Variants in METTL6 observed in about 807,000 individuals in gnomAD.
METTL6 encodes methyltransferase 6, tRNA N3-cytidine, also known as tRNA N(3)-cytidine methyltransferase METTL6.
A neutral mutation model predicts 26.4 loss-of-function variants in METTL6; 22 were observed. The observed-to-expected ratio is 0.83, with a 90% CI of 0.59 to 1.19. METTL6 has a LOEUF of 1.19. Ranked by LOEUF, METTL6 falls within the 50% of genes most tolerant of loss-of-function variation. The pLI is 0.00. For synonymous variants in METTL6, 109 were observed against 116.2 expected, an observed-to-expected ratio of 0.94 and a Z score of 0.40; for missense variants, 304 against 324.8, an observed-to-expected ratio of 0.94 and a Z score of 0.49.
At chr3:15,409,482 C>T (rs1292161073), downstream of METTL6, among the ~76,000 whole-genome samples, 1 of 152,232 alleles carries the variant, frequency 6.6e-6, no homozygotes, top group African/African-American at 2.4e-5. Context: ...TATTCTGCAA[C>T]ACTAGCTACG....
chr3:15,387,082 G>A (rs1699220267), intron 6 of METTL6, among the ~76,000 whole-genome samples: 1 of 152,190 alleles, frequency 6.6e-6, no homozygotes, highest in Admixed American at 6.5e-5. Context: ...ACAAGCATGA[G>A]CCATGGTGCC....
intron 6 of METTL6, among the ~76,000 whole-genome samples, chr3:15,390,259 C>A (rs995460525): frequency 6.6e-6 from 1 of 151,918 alleles, no homozygotes; most frequent in Non-Finnish European, 1.5e-5. Context: ...GAAACCCCAT[C>A]TCTACTAAAA....
intron 3 of METTL6, among the ~76,000 whole-genome samples, chr3:15,423,765 C>T (rs2061659404): frequency 6.6e-6 from 1 of 151,964 alleles, no homozygotes; most frequent in South Asian, 2.1e-4. Context: ...TGCCTGTAGT[C>T]CCAGCTACTT....
chr3:15,402,719 G>C (rs1699681046), intron 6 of METTL6, among the ~76,000 whole-genome samples: 1 of 133,606 alleles, frequency 7.5e-6, no homozygotes, highest in African/African-American at 2.9e-5. Flanking sequence ...CTGGGAAACA[G>C]AGTGAGATTC....
chr3:15,397,158 T>C (rs1699511025), intron 6 of METTL6, among the ~76,000 whole-genome samples: 1 of 152,164 alleles, frequency 6.6e-6, no homozygotes, highest in African/African-American at 2.4e-5. Context: ...AACCGCTTTG[T>C]TTACCTACTC....
At chr3:15,388,190 A>G (rs1575383110) in intron 6 of METTL6, among the ~76,000 whole-genome samples, 2 of 152,148 alleles carry the variant, frequency 1.3e-5, no homozygotes, top group Non-Finnish European at 2.9e-5. Context: ...CACTCACTGC[A>G]ACCTCCGCCT....
chr3:15,393,683 T>C (rs1441052582), intron 6 of METTL6, among the ~76,000 whole-genome samples: 1 of 152,216 alleles, frequency 6.6e-6, no homozygotes, highest in Admixed American at 6.5e-5. Flanking sequence ...CAGTACCTAA[T>C]TTATTGAGAG....
chr3:15,411,551 C>A, intron 5 of METTL6, 114 bp from the exon 6 acceptor site: 1 of 1,016,694 alleles, frequency 9.8e-7, no homozygotes, highest in Admixed American at 3.2e-5. Flanking sequence ...TAAATGAAAA[C>A]CTCAATGCTA....
chr3:15,384,207 G>C (rs1420786608), intron 6 of METTL6: 3 of 358,430 alleles, frequency 8.4e-6, no homozygotes, highest in African/African-American at 2.3e-5. Context: ...AAACAAAAAA[G>C]AGATAAAAGA....
chr3:15,389,052 C>T (rs1207677667), intron 6 of METTL6, among the ~76,000 whole-genome samples: 1 of 151,884 alleles, frequency 6.6e-6, no homozygotes, highest in Non-Finnish European at 1.5e-5. Context: ...GATGGAGTCT[C>T]ACGGTGTTGC....
At chr3:15,389,553 T>C (rs138791488) in intron 6 of METTL6, among the ~76,000 whole-genome samples, 342 of 152,282 alleles carry the variant, frequency 2.2e-3, no homozygotes, top group African/African-American at 7.7e-3. Flanking sequence ...TTTTTAATTT[T>C]AATTTTTTTT....
In METTL6 at chr3:15,413,927, C is replaced by T. The variant is rs914209840; in HGVS notation, c.673+94G>A. On this transcript the variant is annotated intron_variant, in intron 5 of 5. Transcript: ENST00000383790. Reference sequence around the variant, plus strand: ...GTTTCAGGGTCTCGTGCACATGTCGCAAGCCTTCTCCAAGCAGCCTTGCAG... The same window carrying T: ...GTTTCAGGGTCTCGTGCACATGTCGTAAGCCTTCTCCAAGCAGCCTTGCAG... 1.1e-5 allele frequency: 18 copies of T among 1,590,770 alleles called. No individual in the cohort carries two copies. The Middle Eastern group carries it at 8.3e-4, about 73-fold the overall frequency.
At chr3:15,421,905 TC>T (rs1285361946) in intron 3 of METTL6, among the ~76,000 whole-genome samples, 2 of 151,972 alleles carry the variant, frequency 1.3e-5, no homozygotes, top group Admixed American at 6.6e-5. Flanking sequence ...AGAGTGAAAC[TC>T]CATCTCAAAT....
intron 6 of METTL6, among the ~76,000 whole-genome samples, chr3:15,400,566 G>T (rs1699613050): frequency 6.6e-6 from 1 of 152,172 alleles, no homozygotes; most frequent in African/African-American, 2.4e-5. Flanking sequence ...AGCTCATGGT[G>T]GGTAGGAATC....
chr3:15,393,374 T>G lies in METTL6; in HGVS notation c.*12-9187A>C, dbSNP rs184785495. 2.6e-5 allele frequency among the ~76,000 whole-genome samples: 4 copies of G among 152,344 alleles called. No individual in the cohort carries two copies. The East Asian group carries it at 7.7e-4, about 29-fold the overall frequency. On this transcript the variant is annotated intron_variant, in intron 6 of 6. Coordinates refer to the METTL6 transcript ENST00000443029. ...ATCCTGAGACTTTGCTGAAGTTGCT[T>G]ATGAGCTTAAGGAGATTTTGAGCTG...
At chr3:15,384,201 A>C (rs922262623) in intron 6 of METTL6, 2 of 366,926 alleles carry the variant, frequency 5.5e-6, no homozygotes, top group African/African-American at 2.3e-5. Context: ...AAAAAGAAAC[A>C]AAAAAGAGAT....
At position 15,426,330 on chromosome 3, in the gene METTL6, T is replaced by C. The variant is rs777439469; in HGVS notation, c.182A>G (p.His61Arg). Residue 61 changes from histidine to arginine, a missense_variant, in exon 2 of 6, where the codon CAC becomes CGC. By Grantham distance (29) the His-to-Arg change is conservative. Transcript: ENST00000383790. ...RNSTNFFKDR[H>R]WTTREFEELR... is the part of the protein sequence containing the mutation. ...CTCCTCAAACTCTCTGGTGGTCCAG[T>C]GTCTGTCTTTGAAGAAATTAGTGCT... is the stretch of plus-strand genomic sequence containing the variant. The C allele has an allele frequency of 1.9e-6, 3 of 1,614,266 alleles. No individual in the cohort carries two copies. Among genetic ancestry groups the C allele is most frequent in the Non-Finnish European group, 1.7e-6 (2 of 1,180,046 alleles).
downstream of METTL6, among the ~76,000 whole-genome samples, chr3:15,408,816 G>A (rs191401811): frequency 2.0e-5 from 3 of 152,132 alleles, no homozygotes; most frequent in Non-Finnish European, 4.4e-5. Context: ...TAAATGGCCT[G>A]TCTTTATCCA....
intron 6 of METTL6, among the ~76,000 whole-genome samples, chr3:15,397,603 G>T (rs1699527583): frequency 6.6e-6 from 1 of 152,180 alleles, no homozygotes. Flanking sequence ...GACTGGAGCT[G>T]TTCCTATTCG....
Sources: gnomAD v4.1 joint callset for allele counts (sites outside exome capture counted in the v4.1 genomes callset) on GRCh38, gnomAD v4.1.1 for gene constraint, MANE v1.5 for transcripts, NCBI Gene and HGNC (gene_info 2026-07-23, HGNC 2026-07-21) for gene names.